HYDIN: variants seen among roughly 807,000 people sequenced by gnomAD.
HYDIN encodes HYDIN axonemal central pair apparatus protein, also known as axonemal central pair apparatus protein HYDIN.
In HYDIN, 132 loss-of-function variants were observed where a neutral mutation model predicts 403.9. The ratio of observed to expected loss-of-function variants is 0.33; its 90% CI spans 0.28 to 0.38. HYDIN has a LOEUF of 0.38. Among genes scored for constraint, HYDIN ranks in the 10% least tolerant of loss-of-function variants. The pLI is 1.00. For synonymous variants in HYDIN, 1,202 were observed against 1,891.7 expected (o/e 0.64, Z 9.46); for missense variants, 2,827 against 5,009.5 (o/e 0.56, Z 13.15).
chr16:71,133,924 A>G (rs189115029), intron 8 of HYDIN, among the ~76,000 whole-genome samples: 3 of 152,314 alleles, frequency 2.0e-5, no homozygotes, highest in East Asian at 3.9e-4. Context: ...AAAAAAATTT[A>G]AAGTACAGAA....
At chr16:70,878,581 C>G (rs2033497010) in intron 62 of HYDIN, among the ~76,000 whole-genome samples, 3 of 148,760 alleles carry the variant, frequency 2.0e-5, no homozygotes, top group Admixed American at 2.0e-4. Context: ...ATCTTCCTTG[C>G]TCTTCTACCT....
intron 10 of HYDIN, among the ~76,000 whole-genome samples, chr16:71,101,712 T>C (rs1375620660): frequency 1.3e-5 from 2 of 152,122 alleles, no homozygotes; most frequent in Non-Finnish European, 2.9e-5. Context: ...GTCAAGGTTA[T>C]GGAGTAAGGT....
intron 18 of HYDIN, among the ~76,000 whole-genome samples, chr16:71,042,981 C>T (rs540203345): frequency 1.3e-5 from 2 of 151,058 alleles, no homozygotes; most frequent in South Asian, 4.3e-4. Context: ...TCAGCGGCCT[C>T]CTGACAAAAG....
At chr16:70,950,778 T>C (rs1426731417) in intron 41 of HYDIN, among the ~76,000 whole-genome samples, 1 of 152,158 alleles carries the variant, frequency 6.6e-6, no homozygotes, top group Non-Finnish European at 1.5e-5. Context: ...GTTTCTCCCA[T>C]TCTATGTTCT....
rs1394227352 is a variant in HYDIN, at chr16:70,861,356, G to A, written c.11778-455C>T. ...GGGTCTCAGTGGTATGACTGCAGGA[G>A]GTCAAGGAGGCCCCAGCAGCTCACT... On this transcript the variant is annotated intron_variant, in intron 69 of 85. Coordinates refer to ENST00000393567, the MANE Select transcript of HYDIN (RefSeq NM_001270974.2). 2.0e-5 allele frequency among the ~76,000 whole-genome samples: 3 copies of A among 152,020 alleles called. No individual in the cohort carries two copies. The East Asian group carries it at 5.8e-4, about 30-fold the overall frequency.
rs2078846482 is a variant in HYDIN at position 70,974,995 on chromosome 16, C to T, written c.4772+141G>A. On this transcript the variant is annotated intron_variant, in intron 31 of 85. Coordinates refer to ENST00000393567, the MANE Select transcript of HYDIN (RefSeq NM_001270974.2). The stretch of plus-strand genomic sequence containing the variant: ...CAGTTGGCTTGATGCTAGGGGATGG[C>T]GGATAAGTGAGGAGAGTGGATTTCA... 18 of 564,204 alleles carry T rather than the reference C, an allele frequency of 3.2e-5. 1 individual carries two copies. The South Asian group carries it at 3.2e-4, about 10-fold the overall frequency. 34.9% of individuals were successfully genotyped at this position (564,204 alleles called of 1,614,324 possible). A position where few individuals can be genotyped will look rare whatever the true frequency, so the allele number is the denominator to read the frequency against.
chr16:71,180,362 A>T (rs1424584374), intron 3 of HYDIN, among the ~76,000 whole-genome samples: 1 of 152,136 alleles, frequency 6.6e-6, no homozygotes, highest in Non-Finnish European at 1.5e-5. Context: ...TACAGAAATT[A>T]TATCTGTAAA....
At chr16:70,836,973 A>G (rs1361798520) in intron 77 of HYDIN, among the ~76,000 whole-genome samples, 1 of 152,274 alleles carries the variant, frequency 6.6e-6, no homozygotes, top group East Asian at 1.9e-4. Context: ...CTTGATGGGA[A>G]GGCTGCCAGG....
intron 9 of HYDIN, 104 bp downstream of exon 9, chr16:71,129,536 T>C: frequency 1.8e-6 from 2 of 1,138,606 alleles, no homozygotes; most frequent in South Asian, 3.3e-5. Flanking sequence ...CTCTTCACTC[T>C]CTTGCAACTC....
At chr16:70,887,913 G>C (rs147694495) in intron 58 of HYDIN, among the ~76,000 whole-genome samples, 1 of 152,058 alleles carries the variant, frequency 6.6e-6, no homozygotes, top group Non-Finnish European at 1.5e-5. Flanking sequence ...TCGATCCCCT[G>C]ACCTCGTGAT....
chr16:70,927,270 G>A (rs544938169), intron 45 of HYDIN, among the ~76,000 whole-genome samples: 1 of 130,370 alleles, frequency 7.7e-6, no homozygotes, highest in Admixed American at 8.3e-5. Context: ...GTCAGAATGA[G>A]GTAGGAGGCG....
intron 78 of HYDIN, among the ~76,000 whole-genome samples, chr16:70,834,976 G>A (rs867057427): frequency 3.4e-4 from 45 of 132,246 alleles, no homozygotes; most frequent in Admixed American, 1.7e-3. Context: ...ATATATGTGT[G>A]TATATATATA....
intron 1 of HYDIN, among the ~76,000 whole-genome samples, chr16:71,226,395 C>A (rs1315339626): frequency 6.6e-6 from 1 of 151,876 alleles, no homozygotes; most frequent in Non-Finnish European, 1.5e-5. Flanking sequence ...AAAAAAAACA[C>A]CTCAACTCTT....
At chr16:71,111,454 A>T (rs542962006) in intron 10 of HYDIN, among the ~76,000 whole-genome samples, 34 of 152,366 alleles carry the variant, frequency 2.2e-4, no homozygotes, top group African/African-American at 8.2e-4. Context: ...CCTGTTCAAG[A>T]CAGCCAAGGA....
intron 73 of HYDIN, among the ~76,000 whole-genome samples, chr16:70,853,901 T>G (rs1463966975): frequency 1.2e-4 from 17 of 147,676 alleles, no homozygotes; most frequent in Non-Finnish European, 4.4e-5. Flanking sequence ...TCTTTTTTTT[T>G]TTTTTTTTGA....
chr16:71,118,251 A>ACATTT (rs1247584003), intron 9 of HYDIN, among the ~76,000 whole-genome samples: 28 of 151,454 alleles, frequency 1.8e-4, no homozygotes, highest in African/African-American at 6.1e-4. Context: ...CACTCAATGT[A>ACATTT]CATTTTAAAA....
At chr16:71,060,262 T>G (rs1299620573) in intron 18 of HYDIN, among the ~76,000 whole-genome samples, 1 of 152,196 alleles carries the variant, frequency 6.6e-6, no homozygotes, top group Non-Finnish European at 1.5e-5. Context: ...CAACAAAAAG[T>G]ATTATAATAG....
In HYDIN at chr16:71,016,071, G is replaced by A. The variant is rs2144112998; in HGVS notation, c.3644+2058C>T. Among the ~76,000 whole-genome samples, 3 of 151,142 alleles carry A rather than the reference G, an allele frequency of 2.0e-5. No individual in the cohort carries two copies. The Middle Eastern group carries it at 0.01, about 525-fold the overall frequency. On this transcript the variant is annotated intron_variant, in intron 23 of 85. Coordinates refer to ENST00000393567, the MANE Select transcript of HYDIN (RefSeq NM_001270974.2). ...GGGTCCTACTCAGTCTGTGCTTTGA[G>A]TTTGAAATGTTTTTCAAGAAAATTC...
chr16:70,865,392 C>A (rs1348327499), intron 67 of HYDIN: 4 of 407,154 alleles, frequency 9.8e-6, no homozygotes, highest in South Asian at 7.3e-5. Flanking sequence ...CTGTTTCTAT[C>A]TGTCCCCCGG....
Sources: allele counts gnomAD v4.1 joint callset (sites outside exome capture counted in the v4.1 genomes callset), GRCh38; gene constraint gnomAD v4.1.1; transcripts MANE v1.5; gene names NCBI Gene and HGNC (gene_info 2026-07-23, HGNC 2026-07-21).